The following FGD4 variants were observed in gnomAD, a reference collection of about 807,000 sequenced individuals.
The protein encoded by FGD4 is FYVE, RhoGEF and PH domain-containing protein 4.
FGD4 carries 42 observed loss-of-function variants against 102.0 expected under a neutral mutation model. The observed-to-expected ratio is 0.41, with a 90% CI of 0.32 to 0.53. FGD4 has a LOEUF of 0.53. FGD4 is among the 20% of genes least tolerant of loss of function. The pLI, the probability that FGD4 is intolerant of heterozygous loss-of-function variation, is 0.21. For synonymous variants in FGD4, 380 were observed against 375.7 expected (o/e 1.01, Z -0.13); for missense variants, 902 against 1,078.2 (o/e 0.84, Z 2.29).
intron 1 of FGD4, among the ~76,000 whole-genome samples, chr12:32,498,578 GTCAAAGGTAGTTATTGGTT>G (rs1937962377): frequency 6.6e-6 from 1 of 152,036 alleles, no homozygotes; most frequent in African/African-American, 2.4e-5. Context: ...AAATTGCTGG[GTCAAAGGTAGTTATTGGTT>G]TTTTGTTTGT....
chr12:32,435,498 A>AGTGTCTGT (rs1942198199), intron 1 of FGD4, among the ~76,000 whole-genome samples: 1 of 149,612 alleles, frequency 6.7e-6, no homozygotes, highest in African/African-American at 2.5e-5. Flanking sequence ...CAATTAAAAA[A>AGTGTCTGT]GTGTGTGTGT....
rs1950054096 is a variant in FGD4 at position 32,624,864 on chromosome 12, G to C, written c.1954-112G>C. The C allele has an allele frequency of 6.7e-6, 6 of 892,952 alleles. No individual in the cohort carries two copies. The Admixed American group carries it at 1.1e-4, about 16-fold the overall frequency. 55.3% of individuals were successfully genotyped at this position (892,952 alleles called of 1,614,324 possible). A position where few individuals can be genotyped will look rare whatever the true frequency, so the allele number is the denominator to read the frequency against. ...TTTTAATATGTAGTAATCAGAACAG[G>C]TTCACTTAATTTTCAAAGTGATTCC... On this transcript the variant is annotated intron_variant, in intron 12 of 16. Coordinates refer to ENST00000534526, the MANE Select transcript of FGD4 (RefSeq NM_001370298.3).
chr12:32,634,833 C>CA (rs1950699365), intron 15 of FGD4, among the ~76,000 whole-genome samples: 1 of 152,066 alleles, frequency 6.6e-6, no homozygotes, highest in Non-Finnish European at 1.5e-5. Context: ...GCTAAAAATA[C>CA]AAAAATTAGC....
At chr12:32,598,825 A>G (rs1331153172) in intron 5 of FGD4, among the ~76,000 whole-genome samples, 1 of 152,224 alleles carries the variant, frequency 6.6e-6, no homozygotes. Flanking sequence ...GTGTTTATCA[A>G]GTGTCCTATA....
intron 4 of FGD4, among the ~76,000 whole-genome samples, chr12:32,584,641 A>G (rs1321854456): frequency 1.3e-5 from 2 of 152,082 alleles, no homozygotes; most frequent in Non-Finnish European, 2.9e-5. Context: ...CAGTGATTAT[A>G]TATTAATTCT....
At chr12:32,408,785 T>C (rs906491054) in intron 1 of FGD4, among the ~76,000 whole-genome samples, 3 of 152,242 alleles carry the variant, frequency 2.0e-5, no homozygotes, top group Non-Finnish European at 4.4e-5. Flanking sequence ...TCAGCCCTTC[T>C]TAATTTTTCT....
Position 32,561,070 on chromosome 12 carries a change from G to GTTTTTTTTTTTTTTTTTTTTTTTTTTT in FGD4, c.167-3063_167-3062insTTTTTTTTTTTTTTTTTTTTTTTTTTT, listed in dbSNP as rs1267043755. Among the ~76,000 whole-genome samples, 7 of 90,786 alleles carry GTTTTTTTTTTTTTTTTTTTTTTTTTTT rather than the reference G, an allele frequency of 7.7e-5. 3 individuals carry two copies. The highest frequency in any genetic ancestry group is 1.5e-4 in the Non-Finnish European group (7 of 46,056). 59.6% of individuals were successfully genotyped at this position (90,786 alleles called of 152,430 possible). On this transcript the variant is annotated intron_variant, in intron 1 of 16. Coordinates refer to ENST00000534526, the MANE Select transcript of FGD4 (RefSeq NM_001370298.3). ...AGCAGAAATGTGGTTTCTTTGTTGG[G>GTTTTTTTTTTTTTTTTTTTTTTTTTTT]TTTTGTTTTTTTTTTTTTTTTTTTT...
intron 11 of FGD4, among the ~76,000 whole-genome samples, chr12:32,620,466 A>G (rs1185646263): frequency 6.6e-6 from 1 of 151,220 alleles, no homozygotes; most frequent in Non-Finnish European, 1.5e-5. Context: ...ATTGGGAGAG[A>G]AAGGTTTGGA....
chr12:32,419,583 T>C (rs325418), intron 1 of FGD4, among the ~76,000 whole-genome samples: 80,789 of 151,856 alleles, frequency 0.53, 22,210 homozygotes, highest in African/African-American at 0.68. Context: ...TCTTAGTAGG[T>C]TGTGTGCCTC....
chr12:32,509,565 G>A (rs986056384), intron 1 of FGD4, among the ~76,000 whole-genome samples: 6 of 152,144 alleles, frequency 3.9e-5, no homozygotes, highest in Admixed American at 3.9e-4. Context: ...TGGCACCCTT[G>A]TATACTTCAG....
chr12:32,500,657 A>T (rs1938150323), intron 1 of FGD4, among the ~76,000 whole-genome samples: 1 of 151,756 alleles, frequency 6.6e-6, no homozygotes, highest in Admixed American at 6.6e-5. Flanking sequence ...TGGTTTCGAG[A>T]TCCTGACCTT....
chr12:32,432,641 T>A (rs1357642897), intron 1 of FGD4, among the ~76,000 whole-genome samples: 1 of 151,658 alleles, frequency 6.6e-6, no homozygotes, highest in African/African-American at 2.4e-5. Context: ...GGTTGGCCCT[T>A]CATTTTATAA....
At chr12:32,481,117 G>C (rs1943749073) in intron 1 of FGD4, among the ~76,000 whole-genome samples, 2 of 88,208 alleles carry the variant, frequency 2.3e-5, no homozygotes, top group Admixed American at 1.8e-4. Flanking sequence ...GACAGAGTGA[G>C]ACTCCGTCTC....
At chr12:32,430,903 A>C (rs1382719596) in intron 1 of FGD4, among the ~76,000 whole-genome samples, 1 of 152,218 alleles carries the variant, frequency 6.6e-6, no homozygotes. Flanking sequence ...AAAACATTGA[A>C]AAGAAGGGAA....
chr12:32,627,744 A>G (rs1950265186), intron 14 of FGD4, among the ~76,000 whole-genome samples: 1 of 152,216 alleles, frequency 6.6e-6, no homozygotes. Context: ...CGGTTTATCC[A>G]GAGTAGTATA....
At chr12:32,430,614 T>C (rs1942014219) in intron 1 of FGD4, among the ~76,000 whole-genome samples, 1 of 141,682 alleles carries the variant, frequency 7.1e-6, no homozygotes, top group African/African-American at 2.7e-5. Context: ...TGGATGGATA[T>C]ATATAATTGC....
intron 5 of FGD4, chr12:32,600,584 C>CTTTTTTTTTTTTTTTTTTTTT (rs776556112): frequency 1.5e-4 from 39 of 267,968 alleles, no homozygotes; most frequent in African/African-American, 1.2e-3. Context: ...TTCTTTCTTT[C>CTTTTTTTTTTTTTTTTTTTTT]TTTCTTTCTT....
chr12:32,613,814 C>CTGAT (rs1949293171), intron 10 of FGD4, among the ~76,000 whole-genome samples: 2 of 151,906 alleles, frequency 1.3e-5, no homozygotes, highest in Admixed American at 6.6e-5. Context: ...GAAAAGAGCC[C>CTGAT]CTATCAAAGC....
At position 32,582,132 on chromosome 12, in the gene FGD4, G is replaced by A; in HGVS notation, c.676G>A (p.Val226Met). 1 of 1,614,232 alleles carries A rather than the reference G, an allele frequency of 6.2e-7. No homozygotes were observed. The highest frequency in any genetic ancestry group is 8.5e-7 in the Non-Finnish European group (1 of 1,180,044). Residue 226 changes from valine (V) to methionine (M), a missense_variant, in exon 4 of 17, where the codon GTG (valine) becomes ATG (methionine). Physicochemically the swap from Val to Met is conservative, Grantham distance 21. Transcript: ENST00000534526. ...TDKTQGAQTC[V>M]ANGVMAAQNQ... is the part of the protein sequence containing the mutation. ...TAAGACTCAGGGTGCACAGACTTGT[G>A]TGGCCAACGGTGTAATGGCAGCACA...
Sources: allele counts gnomAD v4.1 joint callset (sites outside exome capture counted in the v4.1 genomes callset), GRCh38; gene constraint gnomAD v4.1.1; transcripts MANE v1.5; gene names NCBI Gene and HGNC (gene_info 2026-07-23, HGNC 2026-07-21).